The following PDE9A variants were observed in gnomAD, a reference collection of about 807,000 sequenced individuals.
PDE9A encodes the protein phosphodiesterase 9A, also known as high affinity cGMP-specific 3',5'-cyclic phosphodiesterase 9A.
A neutral mutation model predicts 87.4 loss-of-function variants in PDE9A; 60 were observed. The ratio of observed to expected loss-of-function variants is 0.69; its 90% confidence interval spans 0.56 to 0.85. The LOEUF is 0.85. PDE9A is among the 40% of genes least tolerant of loss of function. The probability of loss-of-function intolerance (pLI) is 0.00; values close to 1 mark genes in which losing one functional copy is unlikely to be tolerated. For synonymous variants in PDE9A, 272 were observed against 279.4 expected (o/e 0.97, Z 0.27); for missense variants, 665 against 779.0 (o/e 0.85, Z 1.74).
intron 8 of PDE9A, among the ~76,000 whole-genome samples, chr21:42,746,838 C>T (rs924810321): frequency 6.6e-6 from 1 of 152,186 alleles, no homozygotes; most frequent in Non-Finnish European, 1.5e-5. Context: ...CGCACTTCCC[C>T]CAGGAGTACA....
chr21:42,678,095 G>C (rs1286358537), intron 1 of PDE9A, among the ~76,000 whole-genome samples: 1 of 152,230 alleles, frequency 6.6e-6, no homozygotes, highest in Non-Finnish European at 1.5e-5. Context: ...GCAGCTGCAA[G>C]GAAGCTCCTC....
chr21:42,709,797 C>A (rs964283670), intron 4 of PDE9A, among the ~76,000 whole-genome samples: 2 of 152,192 alleles, frequency 1.3e-5, no homozygotes, highest in Non-Finnish European at 2.9e-5. Flanking sequence ...GATCCTCCCA[C>A]CTCAGCCTCC....
chr21:42,662,922 A>T (rs2057672476), intron 1 of PDE9A, among the ~76,000 whole-genome samples: 1 of 145,430 alleles, frequency 6.9e-6, no homozygotes, highest in Non-Finnish European at 1.5e-5. Flanking sequence ...GCACATGCAC[A>T]TCACACACAT....
intron 8 of PDE9A, among the ~76,000 whole-genome samples, chr21:42,744,876 T>G (rs1387928615): frequency 1.3e-5 from 2 of 152,204 alleles, no homozygotes; most frequent in Non-Finnish European, 2.9e-5. Flanking sequence ...GCGGGCGCTG[T>G]GCTTAGTGAG....
chr21:42,656,180 A>C (rs2057054718), intron 1 of PDE9A, among the ~76,000 whole-genome samples: 1 of 152,180 alleles, frequency 6.6e-6, no homozygotes, highest in African/African-American at 2.4e-5. Flanking sequence ...AAGGTCATGG[A>C]AACAAACCCA....
chr21:42,768,121 C>G, intron 15 of PDE9A, 67 bp from the exon 16 acceptor site: 2 of 940,472 alleles, frequency 2.1e-6, no homozygotes, highest in Non-Finnish European at 3.5e-6. Flanking sequence ...CAAGTCCAGA[C>G]CCGAGCAGCA....
chr21:42,664,502 G>C (rs2057827934), intron 1 of PDE9A, among the ~76,000 whole-genome samples: 1 of 152,256 alleles, frequency 6.6e-6, no homozygotes, highest in Non-Finnish European at 1.5e-5. Context: ...AGCAGAAAGG[G>C]CATAAAGGTG....
chr21:42,726,623 TA>T lies in PDE9A; in HGVS notation c.263-5146del, dbSNP rs1321819940. The stretch of plus-strand genomic sequence containing the variant: ...ATATATATATATATATATATATATA[TA>T]TTTTTTTTTTTTTTTTTGTAGAGAT... On this transcript the variant is annotated intron_variant, in intron 4 of 19. Coordinates refer to ENST00000291539, the MANE Select transcript of PDE9A (RefSeq NM_002606.3). Among the ~76,000 whole-genome samples, 174 of 36,234 alleles carry T rather than the reference TA, an allele frequency of 4.8e-3. 1 individual carries two copies. The highest frequency in any genetic ancestry group is 0.02 in the South Asian group (17 of 830). 23.8% of individuals were successfully genotyped at this position (36,234 alleles called of 152,430 possible).
chr21:42,752,285 C>A (rs1000512764), intron 9 of PDE9A, among the ~76,000 whole-genome samples: 5 of 151,774 alleles, frequency 3.3e-5, no homozygotes, highest in African/African-American at 1.2e-4. Context: ...TTGTTTTTTT[C>A]TTTTGATACT....
At chr21:42,735,387 A>T (rs1034923094) in intron 7 of PDE9A, among the ~76,000 whole-genome samples, 2 of 152,254 alleles carry the variant, frequency 1.3e-5, no homozygotes, top group African/African-American at 4.8e-5. Flanking sequence ...GGCTGTGAGT[A>T]TCCTGAAGCT....
intron 10 of PDE9A, chr21:42,756,995 G>A (rs1256376910): frequency 4.6e-5 from 7 of 152,374 alleles, no homozygotes; most frequent in African/African-American, 1.7e-4. Context: ...GGGCTGGTCA[G>A]GTGGAGAGCG....
intron 8 of PDE9A, among the ~76,000 whole-genome samples, chr21:42,750,180 G>A (rs1401283866): frequency 1.3e-5 from 2 of 152,122 alleles, no homozygotes; most frequent in East Asian, 1.9e-4. Context: ...GTACAAAGGG[G>A]CGGGGTGCAG....
intron 1 of PDE9A, among the ~76,000 whole-genome samples, chr21:42,669,395 C>T (rs770055781): frequency 7.2e-5 from 11 of 152,200 alleles, no homozygotes; most frequent in Non-Finnish European, 1.5e-4. Flanking sequence ...TCTCTCCTTC[C>T]CACTGAGTTT....
At position 42,759,992 on chromosome 21, in the gene PDE9A, G is replaced by A. The variant is rs1001792472; in HGVS notation, c.898-336G>A. Among the ~76,000 whole-genome samples, 28 of 152,140 alleles carry A rather than the reference G, an allele frequency of 1.8e-4. No homozygotes were observed. The highest frequency in any genetic ancestry group is 3.5e-4 in the Non-Finnish European group (24 of 67,966). On this transcript the variant is annotated intron_variant, in intron 11 of 19. Coordinates refer to ENST00000291539, the MANE Select transcript of PDE9A (RefSeq NM_002606.3). The surrounding 1 kb of genome is among the most constrained non-coding windows in gnomAD (Gnocchi z 7.2). ...ACTGGGGACCCAGAGCTCCCTCTTGGAGTCTCCCCTCCCCCCATCCCCTAA... is the reference window on the plus strand; with the variant it reads ...ACTGGGGACCCAGAGCTCCCTCTTGAAGTCTCCCCTCCCCCCATCCCCTAA...
chr21:42,720,340 A>C (rs1263529614), intron 4 of PDE9A, among the ~76,000 whole-genome samples: 2 of 151,968 alleles, frequency 1.3e-5, no homozygotes, highest in Admixed American at 1.3e-4. Flanking sequence ...CTAAAAATAC[A>C]AAAATTAGCC....
At chr21:42,726,234 T>G (rs1363417840) in intron 4 of PDE9A, among the ~76,000 whole-genome samples, 1 of 152,198 alleles carries the variant, frequency 6.6e-6, no homozygotes, top group East Asian at 1.9e-4. Context: ...ATACGTGTCT[T>G]GCAAATATTT....
chr21:42,775,282 G>T lies in PDE9A; in HGVS notation c.1771G>T (p.Asp591Tyr), dbSNP rs774519742. The T allele has an allele frequency of 6.2e-7, 1 of 1,611,874 alleles. No homozygotes were observed. Reference sequence around the variant, plus strand: ...AGTCATCGTTTCCCTTCTTCCAGGAGACTGTGCCTGAGGAAAGCGGGGGGC... The same window carrying T: ...AGTCATCGTTTCCCTTCTTCCAGGATACTGTGCCTGAGGAAAGCGGGGGGC... ...RSRDVKNSEGDCA is the reference protein window; with the variant it reads ...RSRDVKNSEGYCA Residue 591 changes from aspartate to tyrosine, a missense_variant and splice_region_variant, in exon 20 of 20, where the codon GAC (aspartate) becomes TAC (tyrosine). Transcript: ENST00000291539.
chr21:42,667,092 G>A (rs2058056150), intron 1 of PDE9A, among the ~76,000 whole-genome samples: 1 of 149,122 alleles, frequency 6.7e-6, no homozygotes, highest in African/African-American at 2.5e-5. Flanking sequence ...CTGCTTCTTT[G>A]TCCTCCAGCC....
In PDE9A at chr21:42,702,327, T is replaced by C. The variant is rs1303967871; in HGVS notation, c.262+3316T>C. ...GGAATTATGTTTCCCTCCTTTTTCG[T>C]ATCTCCCATTTTTACATCTCCCATT... On this transcript the variant is annotated intron_variant, in intron 4 of 19. Coordinates refer to ENST00000291539, the MANE Select transcript of PDE9A (RefSeq NM_002606.3). The surrounding 1 kb of genome is among the most constrained non-coding windows in gnomAD (Gnocchi z 4.9). Among the ~76,000 whole-genome samples, 4 of 152,120 alleles carry C rather than the reference T, an allele frequency of 2.6e-5. No homozygotes were observed. The highest frequency in any genetic ancestry group is 9.7e-5 in the African/African-American group (4 of 41,412).
Sources: allele counts gnomAD v4.1 joint callset (sites outside exome capture counted in the v4.1 genomes callset), GRCh38; gene constraint gnomAD v4.1.1; non-coding constraint Gnocchi (gnomAD v3.1); transcripts MANE v1.5; gene names NCBI Gene and HGNC (gene_info 2026-07-23, HGNC 2026-07-21).